The following EPB41L4A variants were observed in gnomAD, a reference collection of about 807,000 sequenced individuals.
EPB41L4A encodes the protein band 4.1-like protein 4A.
EPB41L4A carries 100 observed loss-of-function variants against 108.6 expected under a neutral mutation model. The observed-to-expected ratio is 0.92, with a 90% CI of 0.78 to 1.09. The LOEUF (loss-of-function observed/expected upper bound fraction) is 1.09. Ranked by LOEUF, EPB41L4A falls within the 50% of genes least tolerant of loss-of-function variation. The probability of loss-of-function intolerance (pLI) is 0.00; values close to 1 mark genes in which losing one functional copy is unlikely to be tolerated. For missense variants in EPB41L4A, 1,030 were observed against 842.7 expected (o/e 1.22, Z -2.75); for synonymous variants, 319 against 289.0 (o/e 1.10, Z -1.05).
At chr5:112,354,903 A>G (rs1412886542) in intron 1 of EPB41L4A, among the ~76,000 whole-genome samples, 1 of 152,234 alleles carries the variant, frequency 6.6e-6, no homozygotes, top group Non-Finnish European at 1.5e-5. Context: ...CATTAATAGC[A>G]TTAATAATGA....
intron 9 of EPB41L4A, among the ~76,000 whole-genome samples, chr5:112,247,348 A>G (rs747993554): frequency 1.3e-5 from 2 of 152,160 alleles, no homozygotes; most frequent in African/African-American, 2.4e-5. Flanking sequence ...CATTCTATCA[A>G]GATAAATTGT....
In EPB41L4A at chr5:112,285,081, T is replaced by C. The variant is rs146977159; in HGVS notation, c.205-4758A>G. Reference sequence around the variant, plus strand: ...AGAGTTCTAATAGTAGAATAAACCCTAAAAAATTTTTAAAAAGAAAGGACA... The same window carrying C: ...AGAGTTCTAATAGTAGAATAAACCCCAAAAAATTTTTAAAAAGAAAGGACA... On this transcript the variant is annotated intron_variant, in intron 2 of 22. Coordinates refer to ENST00000261486, the MANE Select transcript of EPB41L4A (RefSeq NM_022140.5). 9.4e-3 allele frequency among the ~76,000 whole-genome samples: 1,428 copies of C among 152,222 alleles called. 33 individuals are homozygous for C. Among genetic ancestry groups the C allele is most frequent in the South Asian group, 0.054 (262 of 4,828 alleles).
Position 112,275,388 on chromosome 5 carries a change from A to G in EPB41L4A, c.273T>C (p.Thr91=), listed in dbSNP as rs948139238. ...CATAGAATTTAATACCAAAATACAA[A>G]GTATATGGAGGTCCAGCTAAAATAA... ...KELINTGPPY[T]LYFGIKFYAE... The change falls in exon 4 of 23, where the codon ACT becomes ACC. Residue 91 remains threonine (T), a synonymous_variant. Transcript: ENST00000261486. The G allele has an allele frequency of 1.4e-5, 21 of 1,543,242 alleles. No individual in the cohort carries two copies. In the African/African-American group the frequency reaches 2.6e-4, roughly 19 times the overall value.
chr5:112,286,685 A>G (rs1753304935), intron 2 of EPB41L4A, among the ~76,000 whole-genome samples: 1 of 152,130 alleles, frequency 6.6e-6, no homozygotes, highest in Non-Finnish European at 1.5e-5. Flanking sequence ...TCATCTATTC[A>G]GGAACATGGT....
At chr5:112,196,460 T>C (rs1306446893) in intron 15 of EPB41L4A, among the ~76,000 whole-genome samples, 3 of 152,250 alleles carry the variant, frequency 2.0e-5, no homozygotes, top group African/African-American at 7.2e-5. Context: ...TAAGCTGTTA[T>C]TGCTTATTCA....
chr5:112,417,386 CA>C (rs1356048401), intron 1 of EPB41L4A, among the ~76,000 whole-genome samples: 1 of 152,168 alleles, frequency 6.6e-6, no homozygotes, highest in Non-Finnish European at 1.5e-5. Flanking sequence ...CTTTGCACTT[CA>C]AAAAGATTTC....
At chr5:112,213,510 G>A (rs1323503684) in intron 12 of EPB41L4A, among the ~76,000 whole-genome samples, 10 of 151,880 alleles carry the variant, frequency 6.6e-5, no homozygotes, top group African/African-American at 1.9e-4. Flanking sequence ...CACCACGCCC[G>A]GCTAATTTTT....
intron 7 of EPB41L4A, among the ~76,000 whole-genome samples, chr5:112,261,726 G>A (rs1000639604): frequency 6.6e-6 from 1 of 152,138 alleles, no homozygotes; most frequent in Non-Finnish European, 1.5e-5. Context: ...TACAGTAGGT[G>A]GTAACCTTCA....
At chr5:112,274,079 A>G (rs1388533383) in intron 4 of EPB41L4A, among the ~76,000 whole-genome samples, 1 of 152,036 alleles carries the variant, frequency 6.6e-6, no homozygotes, top group African/African-American at 2.4e-5. Flanking sequence ...GCTAGAAGCC[A>G]GCAGTTCAAG....
chr5:112,403,828 C>T (rs1018042885), intron 1 of EPB41L4A, among the ~76,000 whole-genome samples: 1 of 152,104 alleles, frequency 6.6e-6, no homozygotes, highest in African/African-American at 2.4e-5. Context: ...ATTAAATGTA[C>T]CTCTTTATGC....
chr5:112,280,240 A>AC, intron 3 of EPB41L4A, 32 bp downstream of exon 3: 1 of 1,599,926 alleles, frequency 6.3e-7, no homozygotes, highest in Non-Finnish European at 8.6e-7. Context: ...TTTTCAAGCC[A>AC]CCCTTTAACA....
chr5:112,328,597 C>T (rs1293420517), intron 1 of EPB41L4A, among the ~76,000 whole-genome samples: 1 of 152,190 alleles, frequency 6.6e-6, no homozygotes, highest in African/African-American at 2.4e-5. Context: ...CTCCTGACAG[C>T]TCACTCTTCA....
intron 12 of EPB41L4A, among the ~76,000 whole-genome samples, chr5:112,221,368 T>C (rs979440235): frequency 4.6e-5 from 7 of 152,202 alleles, no homozygotes; most frequent in African/African-American, 1.7e-4. Context: ...TGGTTAAGTG[T>C]ACAAGGTTGA....
intron 1 of EPB41L4A, among the ~76,000 whole-genome samples, chr5:112,368,475 C>A (rs1759275715): frequency 6.6e-6 from 1 of 152,090 alleles, no homozygotes; most frequent in Admixed American, 6.5e-5. Context: ...AAAATAAAAG[C>A]CTCCAGGTCC....
intron 1 of EPB41L4A, among the ~76,000 whole-genome samples, chr5:112,394,769 G>T (rs1297366493): frequency 1.3e-5 from 2 of 152,160 alleles, no homozygotes; most frequent in Non-Finnish European, 2.9e-5. Context: ...CCAAAAAAGA[G>T]CCCACATTGC....
chr5:112,201,036 T>C (rs1203678029), intron 15 of EPB41L4A, among the ~76,000 whole-genome samples: 1 of 152,250 alleles, frequency 6.6e-6, no homozygotes, highest in Non-Finnish European at 1.5e-5. Context: ...AATGCCAGTG[T>C]TAATCCAGCA....
chr5:112,282,602 C>T (rs896912078), intron 2 of EPB41L4A, among the ~76,000 whole-genome samples: 6 of 152,116 alleles, frequency 3.9e-5, no homozygotes, highest in African/African-American at 1.4e-4. Context: ...GACCGTATTC[C>T]CTAGAGCACA....
intron 1 of EPB41L4A, among the ~76,000 whole-genome samples, chr5:112,333,564 A>G (rs1024990147): frequency 1.3e-5 from 2 of 152,154 alleles, no homozygotes; most frequent in Non-Finnish European, 2.9e-5. Flanking sequence ...TAGGTTGGTC[A>G]TGAGGAGAGA....
chr5:112,393,258 G>T, intron 1 of EPB41L4A, among the ~76,000 whole-genome samples: 1 of 152,142 alleles, frequency 6.6e-6, no homozygotes, highest in East Asian at 1.9e-4. Flanking sequence ...AACTGAAGGA[G>T]ATAGAGACAC....
Sources: allele counts gnomAD v4.1 joint callset (sites outside exome capture counted in the v4.1 genomes callset), GRCh38; gene constraint gnomAD v4.1.1; transcripts MANE v1.5; gene names NCBI Gene and HGNC (gene_info 2026-07-23, HGNC 2026-07-21).